Variants in SACS observed in about 807,000 individuals in gnomAD.
SACS encodes the protein sacsin.
A neutral mutation model predicts 348.0 loss-of-function variants in SACS; 197 were observed. That is an observed-to-expected ratio of 0.57 (90% confidence interval 0.50 to 0.64). The LOEUF (loss-of-function observed/expected upper bound fraction) is 0.64, where lower values mean the gene tolerates loss of function less well. SACS is among the 30% of genes least tolerant of loss of function. SACS has a pLI of 0.00. For missense variants in SACS, 4,999 were observed against 5,360.8 expected, an observed-to-expected ratio of 0.93 and a Z score of 2.11; for synonymous variants, 1,985 against 1,910.6, an observed-to-expected ratio of 1.04 and a Z score of -1.02.
chr13:23,352,168 T>C (rs564642035), intron 9 of SACS, among the ~76,000 whole-genome samples: 1 of 152,294 alleles, frequency 6.6e-6, no homozygotes, highest in East Asian at 1.9e-4. Flanking sequence ...TTGGCCGATT[T>C]CCAAATCCAC....
intron 3 of SACS, among the ~76,000 whole-genome samples, chr13:23,371,904 G>C (rs968121270): frequency 6.6e-6 from 1 of 152,150 alleles, no homozygotes; most frequent in Admixed American, 6.6e-5. Flanking sequence ...TTCTCTGGTT[G>C]AATGACATCA....
chr13:23,341,088 T>C lies in SACS; in HGVS notation c.2788A>G (p.Ile930Val), dbSNP rs886050088. The C allele has an allele frequency of 1.3e-5, 21 of 1,613,896 alleles. No individual in the cohort carries two copies. The Admixed American group carries it at 1.8e-4, about 14-fold the overall frequency. Residue 930 changes from isoleucine to valine, a missense_variant, in exon 10 of 10, where the codon ATT becomes GTT. Around this residue, in one of 6 missense-constraint regions of SACS, gnomAD observed 3,156 missense variants for 3,380.1 expected, o/e 0.93. Transcript: ENST00000382292. ...ATTCCCTGATCAGAAGAATGGTTAATGCGCTTGAATATTGCCAATTCTTGA... is the reference window on the plus strand; with the variant it reads ...ATTCCCTGATCAGAAGAATGGTTAACGCGCTTGAATATTGCCAATTCTTGA... ...IIQELAIFKR[I>V]NHSSDQGISS...
At chr13:23,352,433 A>C (rs760740240) in intron 9 of SACS, among the ~76,000 whole-genome samples, 12 of 152,164 alleles carry the variant, frequency 7.9e-5, no homozygotes, top group Non-Finnish European at 1.6e-4. Context: ...GCTACCCTGG[A>C]ATGGTCAGAC....
rs759907472 is a variant in SACS, at chr13:23,338,511, G to A, written c.5365C>T (p.Pro1789Ser). The A allele has an allele frequency of 6.2e-7, 1 of 1,614,064 alleles. No homozygotes were observed. Among genetic ancestry groups the A allele is most frequent in the Non-Finnish European group, 8.5e-7 (1 of 1,179,972 alleles). Residue 1789 changes from proline (P) to serine (S), a missense_variant, in exon 10 of 10, where the codon CCA becomes TCA. Transcript: ENST00000382292. Reference sequence around the variant, plus strand: ...TTAGCCATTTCAAAGAGAGCAGCTGGGTCATCATCTGGACCTCTAAAAAGT... The same window carrying A: ...TTAGCCATTTCAAAGAGAGCAGCTGAGTCATCATCTGGACCTCTAAAAAGT... Reference protein sequence around the residue: ...SPLFRGPDDDPAALFEMAKSG... With the variant: ...SPLFRGPDDDSAALFEMAKSG...
intron 1 of SACS, among the ~76,000 whole-genome samples, chr13:23,413,309 GAC>G (rs1218073158): frequency 6.6e-6 from 1 of 152,210 alleles, no homozygotes; most frequent in Non-Finnish European, 1.5e-5. Flanking sequence ...TAAGTGGAGG[GAC>G]ACATGAGACT....
At chr13:23,343,328 T>C (rs1869390618) in intron 9 of SACS, among the ~76,000 whole-genome samples, 1 of 152,116 alleles carries the variant, frequency 6.6e-6, no homozygotes, top group African/African-American at 2.4e-5. Context: ...AAAAAACATC[T>C]CAAATTCGAT....
intron 2 of SACS, among the ~76,000 whole-genome samples, chr13:23,408,726 G>GA (rs544523958): frequency 2.0e-3 from 312 of 152,214 alleles, no homozygotes; most frequent in African/African-American, 7.2e-3. Flanking sequence ...AGCACTTCGG[G>GA]AGGCCGAGGC....
chr13:23,375,030 G>A, intron 3 of SACS, 89 bp downstream of exon 3: 1 of 1,275,438 alleles, frequency 7.8e-7, no homozygotes, highest in Middle Eastern at 2.9e-4. Context: ...CGCCGCCCGC[G>A]GAAACCTGCG....
chr13:23,422,944 A>C (rs569322435), intron 1 of SACS, among the ~76,000 whole-genome samples: 13 of 152,134 alleles, frequency 8.5e-5, no homozygotes, highest in Non-Finnish European at 1.9e-4. Flanking sequence ...TGCGAAGAAC[A>C]TTTGTGATGT....
At chr13:23,382,737 G>A (rs1356292579) in intron 2 of SACS, among the ~76,000 whole-genome samples, 1 of 151,380 alleles carries the variant, frequency 6.6e-6, no homozygotes, top group Non-Finnish European at 1.5e-5. Context: ...ATTTAGGGCA[G>A]AGAGACATAT....
At position 23,337,889 on chromosome 13, in the gene SACS, T is replaced by C; in HGVS notation, c.5987A>G (p.Asp1996Gly). 6.2e-7 allele frequency: 1 copy of C among 1,613,846 alleles called. No individual in the cohort carries two copies. Among genetic ancestry groups the C allele is most frequent in the Non-Finnish European group, 8.5e-7 (1 of 1,179,930 alleles). ...AACATCTCTTCTTTTAAGTATAGAG[T>C]CATCTAGAAATCTTACGTTCTTCAT... ...VSMKNVRFLD[D>G]SILKRRDVGS... The change falls in exon 10 of 10, where the codon GAC becomes GGC. Residue 1996 changes from aspartate to glycine, a missense_variant. By Grantham distance (94) the Asp-to-Gly change is moderately conservative (BLOSUM62 -1). Coordinates refer to ENST00000382292, the MANE Select transcript of SACS (RefSeq NM_014363.6).
chr13:23,341,879 C>T (rs924355927), intron 9 of SACS, among the ~76,000 whole-genome samples, 189 bp from the exon 10 acceptor site: 18 of 150,654 alleles, frequency 1.2e-4, no homozygotes, highest in Admixed American at 2.0e-4. Flanking sequence ...CTCCGCCTCC[C>T]GGGTTCACGC....
chr13:23,422,791 A>C (rs761092157), intron 1 of SACS, among the ~76,000 whole-genome samples: 1 of 151,424 alleles, frequency 6.6e-6, no homozygotes, highest in East Asian at 1.9e-4. Flanking sequence ...TTGGTGTTTC[A>C]TATAACTGAA....
chr13:23,394,245 G>A (rs976507851), intron 2 of SACS, among the ~76,000 whole-genome samples: 1 of 152,076 alleles, frequency 6.6e-6, no homozygotes, highest in Non-Finnish European at 1.5e-5. Context: ...CCTGTCTTTG[G>A]CCTACCTATT....
In SACS at chr13:23,330,779, G is replaced by A. The variant is rs776580905; in HGVS notation, c.13097C>T (p.Ala4366Val). 1 of 1,613,708 alleles carries A rather than the reference G, an allele frequency of 6.2e-7. No homozygotes were observed. Among genetic ancestry groups the A allele is most frequent in the Non-Finnish European group, 8.5e-7 (1 of 1,179,864 alleles). ...CCTGTCTGCATTTTGATCTAGAAAA[G>A]CCTGTTTTTCTAATCTGTTGATTTC... The part of the protein sequence containing the change: ...QNEINRLEKQ[A>V]FLDQNADRAS... Residue 4366 changes from alanine (A) to valine (V), a missense_variant, in exon 10 of 10, where the codon GCT becomes GTT. Around this residue, in one of 6 missense-constraint regions of SACS, gnomAD observed 254 missense variants for 275.1 expected, o/e 0.92. Transcript: ENST00000382292.
In SACS at chr13:23,341,347, A is replaced by C. The variant is rs1453407912; in HGVS notation, c.2529T>G (p.Ile843Met). 2 of 1,605,294 alleles carry C rather than the reference A, an allele frequency of 1.2e-6. No homozygotes were observed. Among genetic ancestry groups the C allele is most frequent in the Non-Finnish European group, 1.7e-6 (2 of 1,175,430 alleles). Residue 843 changes from isoleucine (I) to methionine (M), a missense_variant, in exon 10 of 10, where the codon ATT becomes ATG. This residue lies in a region of SACS where 3,156 missense variants were observed against 3,380.1 expected (regional missense o/e 0.93). Transcript: ENST00000382292. ...EAQLPEFLAD[I>M]VQKLGGFVLK... is the part of the protein sequence containing the mutation. ...GGACAAACCCTCCAAGTTTTTGTACAATGTCTGCTAAAAATTCTGGAAGCT... is the reference window on the plus strand; with the variant it reads ...GGACAAACCCTCCAAGTTTTTGTACCATGTCTGCTAAAAATTCTGGAAGCT...
At chr13:23,422,734 C>T (rs2138000458) in intron 1 of SACS, among the ~76,000 whole-genome samples, 1 of 151,856 alleles carries the variant, frequency 6.6e-6, no homozygotes, top group Middle Eastern at 3.4e-3. Context: ...TCTCGGCTCA[C>T]TGCAAGCTCT....
At position 23,333,978 on chromosome 13, in the gene SACS, C is replaced by A. The variant is rs1435196785; in HGVS notation, c.9898G>T (p.Val3300Phe). Residue 3300 changes from valine to phenylalanine, a missense_variant, in exon 10 of 10, where the codon GTT becomes TTT. Val to Phe is a conservative substitution (Grantham distance 50). This residue lies in a region of SACS where 734 missense variants were observed against 694.0 expected (regional missense o/e 1.06). Coordinates refer to ENST00000382292, the MANE Select transcript of SACS (RefSeq NM_014363.6). ...ANQLVVPEGD[V>F]LLPLSLMHIA... ...TGCATAAGGCTGAGAGGAAGCAGAACATCTCCTTCAGGAACCACAAGCTGG... is the reference window on the plus strand; with the variant it reads ...TGCATAAGGCTGAGAGGAAGCAGAAAATCTCCTTCAGGAACCACAAGCTGG... 1.2e-6 allele frequency: 2 copies of A among 1,613,874 alleles called. No individual in the cohort carries two copies.
intron 5 of SACS, among the ~76,000 whole-genome samples, chr13:23,366,299 T>C (rs377056327): frequency 4.9e-4 from 74 of 152,278 alleles, no homozygotes; most frequent in African/African-American, 1.7e-3. Flanking sequence ...AGTTCTGAGA[T>C]TGTGCTCAGT....
Sources: allele counts gnomAD v4.1 joint callset (sites outside exome capture counted in the v4.1 genomes callset), GRCh38; gene constraint gnomAD v4.1.1; regional missense constraint gnomAD v4.1.1; transcripts MANE v1.5; gene names NCBI Gene and HGNC (gene_info 2026-07-23, HGNC 2026-07-21).